Variants in NUMA1 observed in about 807,000 individuals in gnomAD.
NUMA1 encodes the protein nuclear mitotic apparatus protein 1.
NUMA1 carries 62 observed loss-of-function variants against 237.1 expected under a neutral mutation model. The ratio of observed to expected loss-of-function variants is 0.26; its 90% CI spans 0.21 to 0.32. NUMA1 has a LOEUF of 0.32. NUMA1 is among the 10% of genes least tolerant of loss of function. The pLI is 1.00. For missense variants in NUMA1, 2,533 were observed against 2,666.5 expected, an observed-to-expected ratio of 0.95 and a Z score of 1.10; for synonymous variants, 1,028 against 1,066.1, an observed-to-expected ratio of 0.96 and a Z score of 0.70.
chr11:72,019,658 G>C lies in NUMA1; in HGVS notation c.461-41C>G, dbSNP rs773272357. 1.9e-6 allele frequency: 3 copies of C among 1,600,202 alleles called. No individual in the cohort carries two copies. In the East Asian group the frequency reaches 6.7e-5, roughly 36 times the overall value. ...AGACAAAATAAATCAACAAAGGTTA[G>C]TAAGAAGGTGTAAAGATTTGCACCT... On this transcript the variant is annotated intron_variant, in intron 8 of 26. Coordinates refer to ENST00000393695, the MANE Select transcript of NUMA1 (RefSeq NM_006185.4).
At position 72,012,500 on chromosome 11, in the gene NUMA1, C is replaced by T; in HGVS notation, c.4609-58G>A. The T allele has an allele frequency of 2.6e-6, 4 of 1,530,044 alleles. No homozygotes were observed. The South Asian group carries it at 3.4e-5, about 13-fold the overall frequency. The allele number at this position is 1,530,044 out of a possible 1,614,324, so 94.8% of individuals were successfully genotyped here. ...TGAGATGAGGCCAAAGAAGCACCAG[C>T]CCTGCTGCCAGGCTGACCTCACTGA... is the stretch of plus-strand genomic sequence containing the variant. On this transcript the variant is annotated intron_variant, in intron 15 of 26. Transcript: ENST00000393695.
intron 2 of NUMA1, among the ~76,000 whole-genome samples, chr11:72,036,200 A>AC: frequency 6.6e-6 from 1 of 152,306 alleles, no homozygotes; most frequent in African/African-American, 2.4e-5. Context: ...CTCAATGTCT[A>AC]CCCCATGTAA....
At chr11:72,026,308 C>T (rs7930544) in intron 4 of NUMA1, among the ~76,000 whole-genome samples, 135,135 of 152,290 alleles carry the variant, frequency 0.89, 60,233 homozygotes, top group Non-Finnish European at 0.95. Context: ...CAACTGCCCA[C>T]TCCAACTGCA....
chr11:72,007,511 C>G, intron 20 of NUMA1, 76 bp from the exon 21 acceptor site: 1 of 1,545,058 alleles, frequency 6.5e-7, no homozygotes, highest in Non-Finnish European at 8.7e-7. Flanking sequence ...TGAAAGTGAC[C>G]ATTTCCCATC....
In NUMA1 at chr11:72,015,835, T is replaced by G. The variant is rs757220428; in HGVS notation, c.1668A>C (p.Leu556=). 10 of 1,614,096 alleles carry G rather than the reference T, an allele frequency of 6.2e-6. No individual in the cohort carries two copies. The East Asian group carries it at 2.0e-4, about 32-fold the overall frequency. The part of the protein sequence containing the change: ...SQGLRHQVEQ[L]SSSLKQKEQQ... ...GCTCCTTCTGCTTCAGGCTACTGCT[T>G]AGCTGCTCCACCTGGTGGCGGAGGC... The change falls in exon 15 of 27, where the codon CTA becomes CTC. Residue 556 remains leucine (L), a synonymous_variant. Transcript: ENST00000393695. This position sits in a 1 kb window ranked among gnomAD's most constrained non-coding sequence, Gnocchi z 4.0.
At chr11:72,064,200 A>G (rs1224405717) in intron 2 of NUMA1, among the ~76,000 whole-genome samples, 2 of 151,912 alleles carry the variant, frequency 1.3e-5, no homozygotes, top group African/African-American at 2.4e-5. Flanking sequence ...GCTCACGTCT[A>G]TAATTCCAGC....
chr11:72,044,602 T>TG (rs5792571), intron 2 of NUMA1, among the ~76,000 whole-genome samples: 386 of 139,488 alleles, frequency 2.8e-3, no homozygotes, highest in East Asian at 0.012. Context: ...GGGGTTACTT[T>TG]GGGGGGGGGG....
At chr11:72,017,909 G>T in intron 12 of NUMA1, 82 bp from the exon 13 acceptor site, 2 of 1,491,492 alleles carry the variant, frequency 1.3e-6, no homozygotes, top group Non-Finnish European at 1.8e-6. Context: ...AACCCCAGGG[G>T]CTGGATGCCT....
Position 72,017,668 on chromosome 11 carries a change from G to T in NUMA1, c.1119+19C>A. 1 of 1,612,116 alleles carries T rather than the reference G, an allele frequency of 6.2e-7. No homozygotes were observed. Among genetic ancestry groups the T allele is most frequent in the South Asian group, 1.1e-5 (1 of 91,048 alleles). Reference sequence around the variant, plus strand: ...CACATGTGGTCAAGACTGTGGCTGTGACCCCAGCAGAGGGTTACCTTGTCC... The same window carrying T: ...CACATGTGGTCAAGACTGTGGCTGTTACCCCAGCAGAGGGTTACCTTGTCC... On this transcript the variant is annotated intron_variant, in intron 13 of 26. Coordinates refer to ENST00000393695, the MANE Select transcript of NUMA1 (RefSeq NM_006185.4).
intron 2 of NUMA1, among the ~76,000 whole-genome samples, chr11:72,047,632 C>T (rs1056003248): frequency 2.0e-5 from 3 of 152,124 alleles, no homozygotes; most frequent in East Asian, 3.9e-4. Flanking sequence ...CTTCTAGAGT[C>T]GTTATTCCCT....
At chr11:72,038,860 T>A (rs554479291) in intron 2 of NUMA1, among the ~76,000 whole-genome samples, 1 of 151,264 alleles carries the variant, frequency 6.6e-6, no homozygotes, top group Non-Finnish European at 1.5e-5. Context: ...GGAGTTCCCA[T>A]CTACCTGATT....
Position 72,004,620 on chromosome 11 carries a change from C to A in NUMA1, c.6006+20G>T, listed in dbSNP as rs1287867804. 1.2e-6 allele frequency: 2 copies of A among 1,608,396 alleles called. No individual in the cohort carries two copies. The highest frequency in any genetic ancestry group is 1.7e-6 in the Non-Finnish European group (2 of 1,178,464). ...CCTGAGCACAGTGCTGGAGTAACAC[C>A]CAGGAGCCACCGCGCCTACCTCAGG... On this transcript the variant is annotated intron_variant, in intron 24 of 26. Transcript: ENST00000393695.
chr11:72,011,841 G>A (rs1004417836), intron 16 of NUMA1, among the ~76,000 whole-genome samples: 6 of 151,710 alleles, frequency 4.0e-5, no homozygotes, highest in African/African-American at 9.7e-5. Context: ...CTTCACCCTC[G>A]GTCTTCCTGC....
At chr11:72,060,295 C>T (rs1436107204) in intron 2 of NUMA1, among the ~76,000 whole-genome samples, 1 of 152,166 alleles carries the variant, frequency 6.6e-6, no homozygotes, top group African/African-American at 2.4e-5. Context: ...GTAGTTACAA[C>T]CACATGGTCT....
chr11:72,052,241 G>A (rs1426035543), intron 2 of NUMA1, among the ~76,000 whole-genome samples: 1 of 152,198 alleles, frequency 6.6e-6, no homozygotes, highest in Non-Finnish European at 1.5e-5. Flanking sequence ...GAAAATAAGA[G>A]TAGGTACTGG....
In NUMA1 at chr11:72,003,554, T is replaced by C; in HGVS notation, c.6337-16A>G. On this transcript the variant is annotated splice_polypyrimidine_tract_variant and intron_variant, in intron 26 of 26. Coordinates refer to ENST00000393695, the MANE Select transcript of NUMA1 (RefSeq NM_006185.4). ...AGTGCTTTGCCTGAAAGAGACACAG[T>C]CACATGGCCAGATGAGAACTTGCGA... The C allele has an allele frequency of 1.2e-6, 2 of 1,614,036 alleles. No individual in the cohort carries two copies. The highest frequency in any genetic ancestry group is 1.1e-5 in the South Asian group (1 of 91,080).
In NUMA1 at chr11:72,013,204, A is replaced by G. The variant is rs1565204883; in HGVS notation, c.4299T>C (p.Tyr1433=). The change falls in exon 15 of 27, where the codon TAT becomes TAC. Residue 1433 remains tyrosine, a synonymous_variant. Coordinates refer to ENST00000393695, the MANE Select transcript of NUMA1 (RefSeq NM_006185.4). This position sits in a 1 kb window ranked among gnomAD's most constrained non-coding sequence, Gnocchi z 6.8. The part of the protein sequence containing the change: ...AQQLRAEKAS[Y]AEQLSMLKKA... ...TCTTCAGCATGCTCAGCTGCTCTGCATAGCTGGCCTTCTCTGCCCGCAGCT... is the reference window on the plus strand; with the variant it reads ...TCTTCAGCATGCTCAGCTGCTCTGCGTAGCTGGCCTTCTCTGCCCGCAGCT... 3.7e-6 allele frequency: 6 copies of G among 1,611,358 alleles called. No homozygotes were observed. Among genetic ancestry groups the G allele is most frequent in the Non-Finnish European group, 2.5e-6 (3 of 1,180,000 alleles).
chr11:72,049,065 C>T (rs1022928598), intron 2 of NUMA1, among the ~76,000 whole-genome samples: 1 of 152,122 alleles, frequency 6.6e-6, no homozygotes, highest in Non-Finnish European at 1.5e-5. Context: ...ATCCAACAGG[C>T]CCACTCAGTT....
At chr11:72,053,209 C>T (rs988483649) in intron 2 of NUMA1, among the ~76,000 whole-genome samples, 2 of 152,214 alleles carry the variant, frequency 1.3e-5, no homozygotes, top group Non-Finnish European at 2.9e-5. Context: ...TGGTCTCGAA[C>T]TCCTCAACTA....
Sources: gnomAD v4.1 joint callset for allele counts (sites outside exome capture counted in the v4.1 genomes callset) on GRCh38, gnomAD v4.1.1 for gene constraint, Gnocchi (gnomAD v3.1) non-coding constraint, MANE v1.5 for transcripts, NCBI Gene and HGNC (gene_info 2026-07-23, HGNC 2026-07-21) for gene names.